Variants in SECISBP2 observed in about 807,000 individuals in gnomAD.
SECISBP2 encodes the protein SECIS binding protein 2.
In SECISBP2, 96 loss-of-function variants were observed where a neutral mutation model predicts 98.2. The ratio of observed to expected loss-of-function variants is 0.98; its 90% CI spans 0.83 to 1.16. The LOEUF is 1.16. Ranked by LOEUF, SECISBP2 falls within the 50% of genes most tolerant of loss-of-function variation. SECISBP2 has a pLI of 0.00. For missense variants in SECISBP2, 1,046 were observed against 1,022.9 expected, an observed-to-expected ratio of 1.02 and a Z score of -0.31; for synonymous variants, 407 against 370.2, an observed-to-expected ratio of 1.10 and a Z score of -1.14.
At position 89,346,924 on chromosome 9, in the gene SECISBP2, A is replaced by G. The variant is rs1193915072; in HGVS notation, c.1478A>G (p.Glu493Gly). Residue 493 changes from glutamate to glycine, a missense_variant, in exon 11 of 17, where the codon GAG (glutamate) becomes GGG (glycine). Coordinates refer to ENST00000375807, the MANE Select transcript of SECISBP2 (RefSeq NM_024077.5). ...PVLSKECASG[E>G]RGRRMSQMKT... ...CTTTCCAAAGAATGTGCATCAGGGG[A>G]GAGAGGCCGCCGCATGAGTCAAATG... 5.6e-6 allele frequency: 9 copies of G among 1,613,988 alleles called. No homozygotes were observed. Among genetic ancestry groups the G allele is most frequent in the East Asian group, 2.2e-5 (1 of 44,884 alleles).
At chr9:89,326,798 T>C (rs926116086) in intron 4 of SECISBP2, among the ~76,000 whole-genome samples, 1 of 152,218 alleles carries the variant, frequency 6.6e-6, no homozygotes, top group African/African-American at 2.4e-5. Flanking sequence ...TCCTAGGTTA[T>C]AAACCTTTAG....
downstream of SECISBP2, chr9:89,362,534 C>T (rs1832855202): frequency 3.8e-6 from 6 of 1,592,508 alleles, no homozygotes; most frequent in African/African-American, 1.3e-5. Context: ...CACTCAAGGC[C>T]TCAGCCCCCT....
At chr9:89,347,445 A>C (rs1359127979) in intron 11 of SECISBP2, among the ~76,000 whole-genome samples, 2 of 149,824 alleles carry the variant, frequency 1.3e-5, no homozygotes, top group Non-Finnish European at 3.0e-5. Flanking sequence ...AAGGACAGTC[A>C]CAGGCTCCTC....
chr9:89,332,865 A>G (rs774318393), intron 5 of SECISBP2, 43 bp from the exon 6 acceptor site: 3 of 1,474,366 alleles, frequency 2.0e-6, no homozygotes, highest in Non-Finnish European at 1.9e-6. Flanking sequence ...TCCTTGTTTT[A>G]ATTTGCATTT....
intron 2 of SECISBP2, 62 bp downstream of exon 2, chr9:89,319,859 CTT>C (rs1825405235): frequency 3.2e-6 from 5 of 1,540,876 alleles, no homozygotes; most frequent in Non-Finnish European, 4.5e-6. Flanking sequence ...GGTGATTAGA[CTT>C]TCAAATACTC....
chr9:89,333,833 GTTTTC>G (rs1402320729), intron 6 of SECISBP2, among the ~76,000 whole-genome samples: 5 of 152,172 alleles, frequency 3.3e-5, no homozygotes, highest in Non-Finnish European at 7.3e-5. Context: ...TTCATAGGGT[GTTTTC>G]TTTTGTGTTC....
chr9:89,325,861 GT>G, intron 3 of SECISBP2, 35 bp from the exon 4 acceptor site: 1 of 1,612,924 alleles, frequency 6.2e-7, no homozygotes. Flanking sequence ...TATAGTGGTG[GT>G]TTTATTTCAT....
intron 5 of SECISBP2, among the ~76,000 whole-genome samples, chr9:89,332,266 C>A (rs1827880245): frequency 6.6e-6 from 1 of 152,106 alleles, no homozygotes; most frequent in South Asian, 2.1e-4. Flanking sequence ...TCATTATCAA[C>A]ATCTTGTGCT....
At chr9:89,324,061 A>C (rs1826265948) in intron 2 of SECISBP2, 4 of 152,178 alleles carry the variant, frequency 2.6e-5, no homozygotes. Context: ...TGGACTTGGG[A>C]CAGTCTTTTT....
At chr9:89,333,812 T>A (rs1453698080) in intron 6 of SECISBP2, among the ~76,000 whole-genome samples, 2 of 152,256 alleles carry the variant, frequency 1.3e-5, no homozygotes, top group Non-Finnish European at 2.9e-5. Flanking sequence ...TACAAAATGA[T>A]TCCAAATTTA....
Position 89,318,563 on chromosome 9 carries a change from C to T in SECISBP2, c.-14C>T, listed in dbSNP as rs757366021. 1.2e-5 allele frequency: 18 copies of T among 1,505,486 alleles called. 1 individual carries two copies. The South Asian group carries it at 2.2e-4, about 18-fold the overall frequency. The allele number at this position is 1,505,486 out of a possible 1,614,324, so 93.3% of individuals were successfully genotyped here. On this transcript the variant is annotated 5_prime_UTR_variant, in exon 1 of 17. Coordinates refer to ENST00000375807, the MANE Select transcript of SECISBP2 (RefSeq NM_024077.5). ...GCTGGCCTCCGTGACGCGGCCTCCT[C>T]CGCGCCTCGCGGCATGGCGTCGGAG...
chr9:89,355,101 C>T (rs1251994785), intron 14 of SECISBP2: 1 of 985,290 alleles, frequency 1.0e-6, no homozygotes, highest in Admixed American at 6.2e-5. Context: ...AATTAATCTC[C>T]TATCCAACTA....
Position 89,332,966 on chromosome 9 carries a change from A to G in SECISBP2, c.860A>G (p.Asn287Ser), listed in dbSNP as rs748680656. 22 of 1,613,750 alleles carry G rather than the reference A, an allele frequency of 1.4e-5. No individual in the cohort carries two copies. Among genetic ancestry groups the G allele is most frequent in the South Asian group, 1.3e-4 (12 of 91,088 alleles). Reference protein sequence around the residue: ...NESVTANAATNSPSCTRELSW... With the variant: ...NESVTANAATSSPSCTRELSW... ...TCTGTAACTGCTAATGCCGCTACCA[A>G]TTCTCCTTCATGTACAAGAGGTAAA... The change falls in exon 6 of 17, where the codon AAT (asparagine) becomes AGT (serine). Residue 287 changes from asparagine (N) to serine (S), a missense_variant. Transcript: ENST00000375807.
rs767989730 is a variant in SECISBP2, at chr9:89,328,744, C to T, written c.659C>T (p.Thr220Ile). The T allele has an allele frequency of 1.2e-6, 2 of 1,614,218 alleles. No homozygotes were observed. Among genetic ancestry groups the T allele is most frequent in the Non-Finnish European group, 1.7e-6 (2 of 1,180,030 alleles). ...STSKPEFEFT[T>I]LDFPELQGAE... ...TCCAAACCTGAGTTTGAATTTACCACACTGGACTTTCCTGAACTGCAAGGT... is the reference window on the plus strand; with the variant it reads ...TCCAAACCTGAGTTTGAATTTACCATACTGGACTTTCCTGAACTGCAAGGT... The change falls in exon 5 of 17, where the codon ACA (threonine) becomes ATA (isoleucine). Residue 220 changes from threonine to isoleucine, a missense_variant. By Grantham distance (89) the Thr-to-Ile change is moderately conservative (BLOSUM62 -1). Transcript: ENST00000375807.
the SECISBP2 span, among the ~76,000 whole-genome samples, chr9:89,366,689 T>C: frequency 3.3e-5 from 5 of 152,248 alleles, no homozygotes; most frequent in African/African-American, 7.2e-5. Context: ...GGAATAGATA[T>C]TCCCTTTCCC....
In SECISBP2 at chr9:89,346,935, C is replaced by T. The variant is rs756367739; in HGVS notation, c.1489C>T (p.Arg497Cys). The change falls in exon 11 of 17, where the codon CGC (arginine) becomes TGC (cysteine). Residue 497 changes from arginine (R) to cysteine (C), a missense_variant. By Grantham distance (180) the Arg-to-Cys change is radical (BLOSUM62 -3). Coordinates refer to ENST00000375807, the MANE Select transcript of SECISBP2 (RefSeq NM_024077.5). ...ATGTGCATCAGGGGAGAGAGGCCGC[C>T]GCATGAGTCAAATGAAGACCCCGCA... ...KECASGERGR[R>C]MSQMKTPHNP... The T allele has an allele frequency of 6.8e-6, 11 of 1,613,998 alleles. No homozygotes were observed. Among genetic ancestry groups the T allele is most frequent in the East Asian group, 6.7e-5 (3 of 44,888 alleles).
chr9:89,322,453 GA>G (rs1192769596), intron 2 of SECISBP2: 2 of 152,212 alleles, frequency 1.3e-5, no homozygotes, highest in African/African-American at 4.8e-5. Context: ...TACAATCCAT[GA>G]GGTGGCAGGC....
At chr9:89,327,846 T>C (rs545846071) in intron 4 of SECISBP2, among the ~76,000 whole-genome samples, 8 of 151,698 alleles carry the variant, frequency 5.3e-5, no homozygotes, top group African/African-American at 1.9e-4. Context: ...AGTCTCACTG[T>C]GTTACACAGG....
chr9:89,325,370 A>G, intron 2 of SECISBP2, 57 bp from the exon 3 acceptor site: 1 of 1,544,028 alleles, frequency 6.5e-7, no homozygotes. Context: ...TTATTACAGA[A>G]AAGCTTCTTG....
Sources: gnomAD v4.1 joint callset for allele counts (sites outside exome capture counted in the v4.1 genomes callset) on GRCh38, gnomAD v4.1.1 for gene constraint, MANE v1.5 for transcripts, NCBI Gene and HGNC (gene_info 2026-07-23, HGNC 2026-07-21) for gene names.